The following YEATS2 variants were observed in gnomAD, a reference collection of about 807,000 sequenced individuals.
YEATS2 encodes the protein YEATS domain containing 2.
YEATS2 carries 77 observed loss-of-function variants against 163.2 expected under a neutral mutation model. That is an observed-to-expected ratio of 0.47 (90% CI 0.39 to 0.57). The LOEUF (loss-of-function observed/expected upper bound fraction) is 0.57. Ranked by LOEUF, YEATS2 falls within the 20% of genes least tolerant of loss-of-function variation. YEATS2 has a pLI of 0.00. For synonymous variants in YEATS2, 631 were observed against 645.1 expected (o/e 0.98, Z 0.33); for missense variants, 1,549 against 1,729.8 (o/e 0.90, Z 1.85).
chr3:183,716,649 CT>C (rs1275556167), intron 2 of YEATS2, among the ~76,000 whole-genome samples: 1 of 152,078 alleles, frequency 6.6e-6, no homozygotes, highest in African/African-American at 2.4e-5. Context: ...CATGGCATAA[CT>C]TTTTAAAATA....
At chr3:183,765,010 T>C (rs529666614) in intron 15 of YEATS2, among the ~76,000 whole-genome samples, 1 of 152,276 alleles carries the variant, frequency 6.6e-6, no homozygotes, top group South Asian at 2.1e-4. Context: ...ATTCATCTAC[T>C]TAGGCAGCAG....
rs1038351304 is a variant in YEATS2, at chr3:183,697,804, C to T, written c.-209C>T. 6.7e-6 allele frequency: 1 copy of T among 149,602 alleles called. No homozygotes were observed. Among genetic ancestry groups the T allele is most frequent in the Admixed American group, 6.7e-5 (1 of 15,012 alleles). The allele number at this position is 149,602 out of a possible 1,614,324, so 9.3% of individuals were successfully genotyped here. A position where few individuals can be genotyped will look rare whatever the true frequency, so the allele number is the denominator to read the frequency against. ...CGCCGCCGCGCGCGCCCCGACGCGC[C>T]CAGCTGCTGACGTGCGGGGCGGAAC... On this transcript the variant is annotated 5_prime_UTR_variant, in exon 1 of 31. Coordinates refer to ENST00000305135, the MANE Select transcript of YEATS2 (RefSeq NM_018023.5).
intron 1 of YEATS2, among the ~76,000 whole-genome samples, chr3:183,706,816 CA>C (rs892225977): frequency 4.3e-4 from 61 of 142,474 alleles, no homozygotes; most frequent in Admixed American, 4.2e-4. Context: ...AACTCTGTCT[CA>C]AAAAAAAAAA....
At chr3:183,730,099 C>A (rs1271908761) in intron 7 of YEATS2, among the ~76,000 whole-genome samples, 1 of 97,430 alleles carries the variant, frequency 1.0e-5, no homozygotes, top group Admixed American at 1.6e-4. Flanking sequence ...GAGACACATC[C>A]TGTCGTCCAT....
intron 17 of YEATS2, among the ~76,000 whole-genome samples, chr3:183,775,393 C>T (rs539280368): frequency 1.8e-4 from 28 of 152,246 alleles, no homozygotes; most frequent in African/African-American, 4.8e-4. Context: ...GTCAGGAGAT[C>T]GAGACCATCC....
intron 21 of YEATS2, chr3:183,793,144 C>G: frequency 7.8e-7 from 1 of 1,289,314 alleles, no homozygotes; most frequent in Non-Finnish European, 1.0e-6. Flanking sequence ...ACGGCTGGCA[C>G]TGGTCTACCG....
rs776785896 is a variant in YEATS2, at chr3:183,762,149, C to G, written c.1817C>G (p.Ala606Gly). ...GEAPHVPATG[A>G]ASQSPLPQYV... ...GCCCCTCACGTGCCCGCAACAGGAG[C>G]TGCCAGCCAGTCACCACTCCCGCAG... Residue 606 changes from alanine (A) to glycine (G), a missense_variant, in exon 15 of 31, where the codon GCT becomes GGT. Coordinates refer to ENST00000305135, the MANE Select transcript of YEATS2 (RefSeq NM_018023.5). 1 of 1,614,104 alleles carries G rather than the reference C, an allele frequency of 6.2e-7. No homozygotes were observed. Among genetic ancestry groups the G allele is most frequent in the Non-Finnish European group, 8.5e-7 (1 of 1,180,022 alleles).
At chr3:183,750,559 C>T (rs1282791891) in intron 9 of YEATS2, among the ~76,000 whole-genome samples, 3 of 152,174 alleles carry the variant, frequency 2.0e-5, no homozygotes, top group Non-Finnish European at 4.4e-5. Flanking sequence ...ACACGTATTC[C>T]AGTTTCTCCA....
chr3:183,753,465 G>A (rs1382134126), intron 10 of YEATS2, among the ~76,000 whole-genome samples: 1 of 152,042 alleles, frequency 6.6e-6, no homozygotes, highest in African/African-American at 2.4e-5. Context: ...ATACAAGAGG[G>A]GCCGGGCACG....
intron 1 of YEATS2, among the ~76,000 whole-genome samples, chr3:183,710,390 T>C (rs926877684): frequency 6.6e-6 from 1 of 152,376 alleles, no homozygotes; most frequent in East Asian, 1.9e-4. Context: ...CTTAGCTAGC[T>C]AGCAGTTACT....
At position 183,744,143 on chromosome 3, in the gene YEATS2, C is replaced by T. The variant is rs368017615; in HGVS notation, c.925-3529C>T. 1.1e-4 allele frequency among the ~76,000 whole-genome samples: 12 copies of T among 113,898 alleles called. No homozygotes were observed. In the East Asian group the frequency reaches 1.5e-3, roughly 14 times the overall value. 74.7% of individuals were successfully genotyped at this position (113,898 alleles called of 152,430 possible). ...TTTTTTTTTTTTTGAGACAGAATCT[C>T]GGTCTGTTGCCCAGGCTGGAGGGAA... is the stretch of plus-strand genomic sequence containing the variant. On this transcript the variant is annotated intron_variant, in intron 8 of 30. Coordinates refer to ENST00000305135, the MANE Select transcript of YEATS2 (RefSeq NM_018023.5).
intron 1 of YEATS2, among the ~76,000 whole-genome samples, chr3:183,711,581 A>G (rs1260227238): frequency 6.6e-6 from 1 of 152,174 alleles, no homozygotes; most frequent in East Asian, 1.9e-4. Context: ...ATGAATATGA[A>G]CAAACATTAA....
intron 26 of YEATS2, 66 bp from the exon 27 acceptor site, chr3:183,803,921 A>G (rs923121615): frequency 5.2e-6 from 8 of 1,539,640 alleles, no homozygotes; most frequent in African/African-American, 1.4e-5. Flanking sequence ...TTATGGTTGC[A>G]TGATACGTAG....
At chr3:183,796,205 C>T (rs538754162) in intron 21 of YEATS2, among the ~76,000 whole-genome samples, 10 of 142,730 alleles carry the variant, frequency 7.0e-5, no homozygotes, top group Admixed American at 1.4e-4. Flanking sequence ...ACCATGTTGG[C>T]CAGGCTGGTC....
chr3:183,725,824 AC>A (rs1157799175), intron 6 of YEATS2, among the ~76,000 whole-genome samples: 2 of 152,014 alleles, frequency 1.3e-5, no homozygotes, highest in Non-Finnish European at 2.9e-5. Flanking sequence ...TCCCTGGAAA[AC>A]CTATTTCCTG....
intron 25 of YEATS2, chr3:183,802,533 G>A (rs1263250220): frequency 2.2e-5 from 3 of 134,594 alleles, no homozygotes; most frequent in Admixed American, 1.6e-4. Flanking sequence ...ATATATACAC[G>A]TGTATATACA....
At chr3:183,754,995 G>A (rs893084410) in intron 11 of YEATS2, among the ~76,000 whole-genome samples, 19 of 152,122 alleles carry the variant, frequency 1.2e-4, no homozygotes, top group African/African-American at 4.3e-4. Context: ...GGAAGTATGA[G>A]GACTTCTGTA....
intron 16 of YEATS2, 147 bp downstream of exon 16, chr3:183,772,710 T>C (rs1722595487): frequency 3.9e-6 from 4 of 1,030,446 alleles, no homozygotes; most frequent in African/African-American, 3.2e-5. Context: ...TTTGTTCTTT[T>C]TTATGGGACA....
intron 3 of YEATS2, 112 bp downstream of exon 3, chr3:183,717,860 CTTT>C (rs34867307): frequency 9.8e-4 from 271 of 277,152 alleles, no homozygotes; most frequent in South Asian, 1.2e-3. Context: ...CTCCTCTTTG[CTTT>C]TTTTTTTTTT....
Sources: gnomAD v4.1 joint callset for allele counts (sites outside exome capture counted in the v4.1 genomes callset) on GRCh38, gnomAD v4.1.1 for gene constraint, MANE v1.5 for transcripts, NCBI Gene and HGNC (gene_info 2026-07-23, HGNC 2026-07-21) for gene names.